ZBTB7B: variants seen among roughly 807,000 people sequenced by gnomAD.
ZBTB7B encodes zinc finger and BTB domain-containing protein 7B.
Under a neutral mutation model 31.0 loss-of-function variants are expected in ZBTB7B, and 8 were observed. That is an observed-to-expected ratio of 0.26 (90% CI 0.15 to 0.47). The LOEUF (loss-of-function observed/expected upper bound fraction) is 0.47, where lower values mean the gene tolerates loss of function less well. ZBTB7B is among the 20% of genes least tolerant of loss of function. ZBTB7B has a pLI of 0.99. For synonymous variants in ZBTB7B, 261 were observed against 307.3 expected (o/e 0.85, Z 1.58); for missense variants, 494 against 742.4 (o/e 0.67, Z 3.89).
Position 155,003,316 on chromosome 1 carries a change from G to C in ZBTB7B, c.-7+373G>C, listed in dbSNP as rs1658349974. Among the ~76,000 whole-genome samples the C allele has an allele frequency of 1.3e-5, 2 of 152,070 alleles. No homozygotes were observed. The highest frequency in any genetic ancestry group is 2.9e-5 in the Non-Finnish European group (2 of 67,998). On this transcript the variant is annotated intron_variant, in intron 1 of 2. Transcript: ENST00000535420. The surrounding 1 kb of genome is among the most constrained non-coding windows in gnomAD (Gnocchi z 5.8). ...GAGACCCCAGACCGGACTGAGTTGA[G>C]GGAATGGAAACGCTGACGGACTCTA...
At position 155,004,117 on chromosome 1, in the gene ZBTB7B, G is replaced by A. The variant is rs745842159; in HGVS notation, c.-7+1174G>A. ...TCCGGAGCAGGGGAGGGGCAGAGGC[G>A]CCGGTGCTAGCTGACCCACAGGAAA... On this transcript the variant is annotated intron_variant, in intron 1 of 2. Transcript: ENST00000535420. This position sits in a 1 kb window ranked among gnomAD's most constrained non-coding sequence, Gnocchi z 4.0. 1.3e-4 allele frequency among the ~76,000 whole-genome samples: 20 copies of A among 152,340 alleles called. No individual in the cohort carries two copies. The highest frequency in any genetic ancestry group is 2.2e-4 in the Non-Finnish European group (15 of 68,022).
Position 155,015,612 on chromosome 1 carries a change from C to G in ZBTB7B, c.952C>G (p.Leu318Val), listed in dbSNP as rs1168322749. Residue 318 changes from leucine to valine, a missense_variant, in exon 2 of 3, where the codon CTA becomes GTA. By Grantham distance (32) the Leu-to-Val change is conservative. Around this residue, in one of 5 missense-constraint regions of ZBTB7B, gnomAD observed 216 missense variants for 229.3 expected, o/e 0.94. Transcript: ENST00000535420. ...CATCGATCCTGACCTGATGGCCTACCTAAGCTCCCTGCACCAGGACAACCT... is the reference window on the plus strand; with the variant it reads ...CATCGATCCTGACCTGATGGCCTACGTAAGCTCCCTGCACCAGGACAACCT... ...DAIDPDLMAY[L>V]SSLHQDNLAP... 2 of 1,613,618 alleles carry G rather than the reference C, an allele frequency of 1.2e-6. No individual in the cohort carries two copies. Among genetic ancestry groups the G allele is most frequent in the African/African-American group, 2.7e-5 (2 of 74,924 alleles).
intron 1 of ZBTB7B, among the ~76,000 whole-genome samples, chr1:155,008,786 G>T (rs895586200): frequency 1.3e-5 from 2 of 152,140 alleles, no homozygotes; most frequent in African/African-American, 4.8e-5. Context: ...CTCCAAGCTG[G>T]GGGGAGGGGG....
intron 1 of ZBTB7B, chr1:155,010,809 G>T: frequency 1.1e-6 from 1 of 900,712 alleles, no homozygotes; most frequent in Middle Eastern, 2.8e-4. Flanking sequence ...TGGAGTTGGG[G>T]TGGGGGGGTG....
In ZBTB7B at chr1:155,018,491, C is replaced by T. The variant is rs1158930666; in HGVS notation, c.*1806C>T. 26 of 1,549,160 alleles carry T rather than the reference C, an allele frequency of 1.7e-5. No homozygotes were observed. Among genetic ancestry groups the T allele is most frequent in the African/African-American group, 5.5e-5 (4 of 73,072 alleles). ...CCAACTCCCCCACCTCGGGTGTAAG[C>T]GACAGGAAGAAATAATAATAATTTA... On this transcript the variant is annotated 3_prime_UTR_variant, in exon 3 of 3. Coordinates refer to ENST00000535420, the MANE Select transcript of ZBTB7B (RefSeq NM_001256455.2).
chr1:155,008,083 G>A (rs1490170227), intron 1 of ZBTB7B, among the ~76,000 whole-genome samples: 1 of 152,126 alleles, frequency 6.6e-6, no homozygotes, highest in Non-Finnish European at 1.5e-5. Context: ...GCAGCAGCTT[G>A]CGCAAGGGGT....
At chr1:155,008,826 G>A (rs994020683) in intron 1 of ZBTB7B, among the ~76,000 whole-genome samples, 1 of 152,050 alleles carries the variant, frequency 6.6e-6, no homozygotes, top group South Asian at 2.1e-4. Context: ...AGGCTGTAGG[G>A]GGGAGGGGCT....
rs1469380868 is a variant in ZBTB7B, at chr1:155,014,998, C to T, written c.338C>T (p.Thr113Ile). The change falls in exon 2 of 3, where the codon ACC becomes ATC. Residue 113 changes from threonine to isoleucine, a missense_variant. Around this residue, in one of 5 missense-constraint regions of ZBTB7B, gnomAD observed 90 missense variants for 143.2 expected, o/e 0.63. Coordinates refer to ENST00000535420, the MANE Select transcript of ZBTB7B (RefSeq NM_001256455.2). ...LEFAYTATLT[T>I]SSANMPAVLQ... ...TTTGCCTATACAGCCACACTGACCA[C>T]CAGCAGCGCCAACATGCCAGCTGTG... The T allele has an allele frequency of 6.2e-7, 1 of 1,613,880 alleles. No individual in the cohort carries two copies. The highest frequency in any genetic ancestry group is 8.5e-7 in the Non-Finnish European group (1 of 1,180,030).
At chr1:155,007,303 T>A (rs924493056) in intron 1 of ZBTB7B, among the ~76,000 whole-genome samples, 1 of 152,132 alleles carries the variant, frequency 6.6e-6, no homozygotes, top group Non-Finnish European at 1.5e-5. Context: ...ATGAACTCCC[T>A]CCCTGCCCCC....
rs1205128242 is a variant in ZBTB7B at position 155,017,415 on chromosome 1, C to G, written c.*730C>G. The G allele has an allele frequency of 6.8e-6, 1 of 148,040 alleles. No homozygotes were observed. Among genetic ancestry groups the G allele is most frequent in the Admixed American group, 6.6e-5 (1 of 15,078 alleles). 9.2% of individuals were successfully genotyped at this position (148,040 alleles called of 1,614,324 possible). A position where few individuals can be genotyped will look rare whatever the true frequency, so the allele number is the denominator to read the frequency against. ...GTTCCACTCCCCTCCCTAGCCCTCC[C>G]TCCCCACGGCCCTGGGCAGGGAATG... is the stretch of plus-strand genomic sequence containing the variant. On this transcript the variant is annotated 3_prime_UTR_variant, in exon 3 of 3. Transcript: ENST00000535420.
chr1:155,016,792 C>T lies in ZBTB7B; in HGVS notation c.*107C>T, dbSNP rs1043209840. 3.0e-6 allele frequency: 2 copies of T among 666,416 alleles called. No homozygotes were observed. Among genetic ancestry groups the T allele is most frequent in the African/African-American group, 3.6e-5 (2 of 54,958 alleles). The allele number at this position is 666,416 out of a possible 1,614,324, so 41.3% of individuals were successfully genotyped here. A position where few individuals can be genotyped will look rare whatever the true frequency, so the allele number is the denominator to read the frequency against. On this transcript the variant is annotated 3_prime_UTR_variant, in exon 3 of 3. Transcript: ENST00000535420. This position sits in a 1 kb window ranked among gnomAD's most constrained non-coding sequence, Gnocchi z 4.3. ...CAGGGGTCTGGGGCACGGAGCCTTG[C>T]TGGCATCAGCATCAGCCCTTCCTCC...
chr1:155,012,669 G>A (rs889426242), intron 1 of ZBTB7B, among the ~76,000 whole-genome samples: 4 of 151,942 alleles, frequency 2.6e-5, no homozygotes, highest in African/African-American at 7.3e-5. Context: ...AAGGACATGC[G>A]GGTGCTGCTC....
At chr1:155,007,610 G>A (rs906241720) in intron 1 of ZBTB7B, among the ~76,000 whole-genome samples, 2 of 152,230 alleles carry the variant, frequency 1.3e-5, no homozygotes, top group African/African-American at 4.8e-5. Flanking sequence ...GAGGTGGTTT[G>A]AGAACAGGGT....
rs368185828 is a variant in ZBTB7B, at chr1:155,004,096, G to A, written c.-7+1153G>A. On this transcript the variant is annotated intron_variant, in intron 1 of 2. Coordinates refer to ENST00000535420, the MANE Select transcript of ZBTB7B (RefSeq NM_001256455.2). This position sits in a 1 kb window ranked among gnomAD's most constrained non-coding sequence, Gnocchi z 4.0. ...CAGGGGGGCGGGGAGCCTGGGTCCG[G>A]AGCAGGGGAGGGGCAGAGGCGCCGG... Among the ~76,000 whole-genome samples the A allele has an allele frequency of 9.2e-5, 14 of 152,354 alleles. No individual in the cohort carries two copies. The South Asian group carries it at 2.7e-3, about 29-fold the overall frequency.
intron 1 of ZBTB7B, among the ~76,000 whole-genome samples, chr1:155,013,797 C>T (rs1444551977): frequency 1.3e-5 from 2 of 151,554 alleles, no homozygotes; most frequent in African/African-American, 4.9e-5. Context: ...AGCACCCGCG[C>T]CAGCCAGTGA....
Position 155,015,170 on chromosome 1 carries a change from G to A in ZBTB7B, c.510G>A (p.Thr170=), listed in dbSNP as rs142860850. The change falls in exon 2 of 3, where the codon ACG becomes ACA. Residue 170 remains threonine (T), a synonymous_variant. Coordinates refer to ENST00000535420, the MANE Select transcript of ZBTB7B (RefSeq NM_001256455.2). Reference sequence around the variant, plus strand: ...ATCTGGAGGCCTTTGCCACAGCCACGGCCTCTGGAGTTCCCAATGGTGAAG... The same window carrying A: ...ATCTGGAGGCCTTTGCCACAGCCACAGCCTCTGGAGTTCCCAATGGTGAAG... The part of the protein sequence containing the change: ...RQYLEAFATA[T]ASGVPNGEDS... 83 of 1,613,710 alleles carry A rather than the reference G, an allele frequency of 5.1e-5. No homozygotes were observed. Among genetic ancestry groups the A allele is most frequent in the East Asian group, 3.6e-4 (16 of 44,878 alleles).
intron 1 of ZBTB7B, among the ~76,000 whole-genome samples, chr1:155,013,451 G>A (rs566403318): frequency 6.6e-6 from 1 of 152,218 alleles, no homozygotes; most frequent in Non-Finnish European, 1.5e-5. Context: ...GAAGCACAGA[G>A]AGAAATGACT....
Position 155,016,807 on chromosome 1 carries a change from GC to G in ZBTB7B, c.*125del. 1.6e-6 allele frequency: 1 copy of G among 633,862 alleles called. No homozygotes were observed. Among genetic ancestry groups the G allele is most frequent in the Non-Finnish European group, 2.7e-6 (1 of 364,202 alleles). The allele number at this position is 633,862 out of a possible 1,614,324, so 39.3% of individuals were successfully genotyped here. A position where few individuals can be genotyped will look rare whatever the true frequency, so the allele number is the denominator to read the frequency against. On this transcript the variant is annotated 3_prime_UTR_variant, in exon 3 of 3. Transcript: ENST00000535420. This position sits in a 1 kb window ranked among gnomAD's most constrained non-coding sequence, Gnocchi z 4.3. ...CGGAGCCTTGCTGGCATCAGCATCA[GC>G]CCTTCCTCCCAGAGCCCTCATTCCA...
Position 155,016,299 on chromosome 1 carries a change from C to T in ZBTB7B, c.1234C>T (p.Leu412=), listed in dbSNP as rs1558091891. ...ATGCCCGCACTGCCCAGCCCGCTTC[C>T]TGCACAGCTACGACCTCAAGAACCA... ...YSCPHCPARF[L]HSYDLKNHMH... Residue 412 remains leucine (L), a synonymous_variant, in exon 3 of 3, where the codon CTG becomes TTG. Coordinates refer to ENST00000535420, the MANE Select transcript of ZBTB7B (RefSeq NM_001256455.2). The surrounding 1 kb of genome is among the most constrained non-coding windows in gnomAD (Gnocchi z 4.3). The T allele has an allele frequency of 6.2e-7, 1 of 1,613,958 alleles. No individual in the cohort carries two copies. The highest frequency in any genetic ancestry group is 1.7e-5 in the Admixed American group (1 of 60,006).
Sources: gnomAD v4.1 joint callset for allele counts (sites outside exome capture counted in the v4.1 genomes callset) on GRCh38, gnomAD v4.1.1 for gene constraint, gnomAD v4.1.1 regional missense constraint, Gnocchi (gnomAD v3.1) non-coding constraint, MANE v1.5 for transcripts, NCBI Gene and HGNC (gene_info 2026-07-23, HGNC 2026-07-21) for gene names.